The following PLD5 variants were observed in gnomAD, a reference collection of about 807,000 sequenced individuals.
The protein encoded by PLD5 is phospholipase D family member 5.
Under a neutral mutation model 61.1 loss-of-function variants are expected in PLD5, and 36 were observed. That is an observed-to-expected ratio of 0.59 (90% confidence interval 0.45 to 0.78). The LOEUF is 0.78. PLD5 is among the 30% of genes least tolerant of loss of function. PLD5 has a pLI of 0.00. For missense variants in PLD5, 515 were observed against 644.4 expected, an observed-to-expected ratio of 0.80 and a Z score of 2.17; for synonymous variants, 243 against 242.8, an observed-to-expected ratio of 1.00 and a Z score of -0.01.
intron 1 of PLD5, among the ~76,000 whole-genome samples, chr1:242,514,411 G>A (rs906101063): frequency 6.6e-6 from 1 of 152,108 alleles, no homozygotes; most frequent in African/African-American, 2.4e-5. Context: ...ATGATTTAAG[G>A]TCTCTGAAGC....
chr1:242,138,447 T>G (rs983487503), intron 5 of PLD5, among the ~76,000 whole-genome samples: 2 of 152,172 alleles, frequency 1.3e-5, no homozygotes, highest in African/African-American at 4.8e-5. Context: ...AGGGATTTTT[T>G]TTTTCAGAGT....
intron 3 of PLD5, among the ~76,000 whole-genome samples, chr1:242,271,144 A>AGCCAT (rs1166461476): frequency 6.6e-6 from 1 of 150,938 alleles, no homozygotes; most frequent in Non-Finnish European, 1.5e-5. Flanking sequence ...CTGAATATCA[A>AGCCAT]ATGCAAGAAA....
chr1:242,357,107 A>G (rs1173065521), intron 1 of PLD5, among the ~76,000 whole-genome samples: 1 of 152,068 alleles, frequency 6.6e-6, no homozygotes, highest in African/African-American at 2.4e-5. Flanking sequence ...CCTGTAAGAG[A>G]GACCTAATAA....
At chr1:242,128,332 T>G (rs922264382) in intron 5 of PLD5, among the ~76,000 whole-genome samples, 8 of 148,006 alleles carry the variant, frequency 5.4e-5, no homozygotes, top group African/African-American at 2.0e-4. Flanking sequence ...AAAAAAACCA[T>G]GCTATTTCCC....
intron 1 of PLD5, among the ~76,000 whole-genome samples, chr1:242,444,446 A>C (rs1012238402): frequency 6.6e-6 from 1 of 151,824 alleles, no homozygotes; most frequent in Non-Finnish European, 1.5e-5. Context: ...TCAATGATCA[A>C]GAAAATGGCA....
chr1:242,485,583 G>T (rs188540404), intron 1 of PLD5, among the ~76,000 whole-genome samples: 41 of 152,232 alleles, frequency 2.7e-4, no homozygotes, highest in African/African-American at 9.6e-4. Context: ...ACAAATGGAA[G>T]AACATTCCAT....
intron 1 of PLD5, among the ~76,000 whole-genome samples, chr1:242,420,249 C>T (rs1250459540): frequency 1.3e-5 from 2 of 152,098 alleles, no homozygotes; most frequent in African/African-American, 2.4e-5. Flanking sequence ...GTTACTTGCC[C>T]AAGCTCTCAC....
intron 1 of PLD5, among the ~76,000 whole-genome samples, chr1:242,453,623 G>C (rs1271172624): frequency 3.3e-5 from 5 of 152,048 alleles, no homozygotes; most frequent in Non-Finnish European, 7.4e-5. Flanking sequence ...TTCCAAAAAG[G>C]TAGTCCCTAG....
intron 2 of PLD5, among the ~76,000 whole-genome samples, chr1:242,325,878 G>T (rs1392741990): frequency 6.6e-6 from 1 of 152,006 alleles, no homozygotes. Context: ...TAGTCACATA[G>T]CATTTATTTT....
chr1:242,174,530 C>A (rs1300761720), intron 5 of PLD5, among the ~76,000 whole-genome samples: 1 of 152,044 alleles, frequency 6.6e-6, no homozygotes, highest in Non-Finnish European at 1.5e-5. Context: ...ACCATTTGAC[C>A]CAGCCATCCC....
intron 5 of PLD5, among the ~76,000 whole-genome samples, chr1:242,178,581 T>C (rs1190819395): frequency 6.6e-6 from 1 of 152,212 alleles, no homozygotes; most frequent in Non-Finnish European, 1.5e-5. Context: ...GATGGTGTTG[T>C]TGCAATGATT....
intron 1 of PLD5, among the ~76,000 whole-genome samples, chr1:242,434,005 G>T (rs925304705): frequency 6.6e-6 from 1 of 152,210 alleles, no homozygotes; most frequent in Non-Finnish European, 1.5e-5. Context: ...CCAACATTTG[G>T]CTTTTACTCT....
At position 242,407,003 on chromosome 1, in the gene PLD5, T is replaced by C. The variant is rs536919404; in HGVS notation, c.190-58761A>G. ...TAAAGTTTCTCAAGGAATATATTGATATGGTTTGGCTGTGTCCCCATCCAA... is the reference window on the plus strand; with the variant it reads ...TAAAGTTTCTCAAGGAATATATTGACATGGTTTGGCTGTGTCCCCATCCAA... On this transcript the variant is annotated intron_variant, in intron 1 of 9. Transcript: ENST00000536534. Among the ~76,000 whole-genome samples, 38 of 152,312 alleles carry C rather than the reference T, an allele frequency of 2.5e-4. 1 individual carries two copies. The South Asian group carries it at 7.7e-3, about 31-fold the overall frequency.
intron 1 of PLD5, among the ~76,000 whole-genome samples, chr1:242,452,826 T>G (rs899411867): frequency 4.0e-5 from 6 of 151,668 alleles, no homozygotes; most frequent in Non-Finnish European, 7.4e-5. Flanking sequence ...CCACCCCTGA[T>G]GTGGACATCC....
At chr1:242,382,128 C>CA (rs34582650) in intron 1 of PLD5, among the ~76,000 whole-genome samples, 1,418 of 125,568 alleles carry the variant, frequency 0.011, 53 homozygotes, top group East Asian at 0.077. Flanking sequence ...ACTTTGACAG[C>CA]AAAAAAAAAA....
At chr1:242,095,949 TTC>T (rs908292605) in intron 9 of PLD5, among the ~76,000 whole-genome samples, 2 of 152,016 alleles carry the variant, frequency 1.3e-5, no homozygotes, top group African/African-American at 4.8e-5. Flanking sequence ...TGAAATAATA[TTC>T]TCTCTTTTTT....
At chr1:242,309,814 A>C (rs186848839) in intron 2 of PLD5, among the ~76,000 whole-genome samples, 5 of 150,266 alleles carry the variant, frequency 3.3e-5, no homozygotes, top group Admixed American at 2.7e-4. Context: ...TAATTGCTCA[A>C]TATAGATATT....
chr1:242,108,795 A>T (rs1013573295), intron 7 of PLD5, among the ~76,000 whole-genome samples: 3 of 152,168 alleles, frequency 2.0e-5, no homozygotes, highest in African/African-American at 7.2e-5. Context: ...TGCCAGTGTC[A>T]TGATCATTGC....
In PLD5 at chr1:242,315,772, T is replaced by G. The variant is rs577967318; in HGVS notation, c.327-27242A>C. 3.4e-3 allele frequency among the ~76,000 whole-genome samples: 516 copies of G among 152,284 alleles called. 5 individuals carry two copies. The highest frequency in any genetic ancestry group is 0.012 in the African/African-American group (501 of 41,552). On this transcript the variant is annotated intron_variant, in intron 2 of 9. Transcript: ENST00000536534. ...TGCCACCATGCCCCACTCCTTTAATTTTTTGATGCTCTCTGCTGCATTCTG... is the reference window on the plus strand; with the variant it reads ...TGCCACCATGCCCCACTCCTTTAATGTTTTGATGCTCTCTGCTGCATTCTG...
Sources: gnomAD v4.1 joint callset for allele counts (sites outside exome capture counted in the v4.1 genomes callset) on GRCh38, gnomAD v4.1.1 for gene constraint, MANE v1.5 for transcripts, NCBI Gene and HGNC (gene_info 2026-07-23, HGNC 2026-07-21) for gene names.